DMXL1: variants seen among roughly 807,000 people sequenced by gnomAD.
DMXL1 encodes the protein dmX-like protein 1.
In DMXL1, 99 loss-of-function variants were observed where a neutral mutation model predicts 319.2. The observed-to-expected ratio is 0.31, with a 90% CI of 0.26 to 0.37. The LOEUF (loss-of-function observed/expected upper bound fraction) is 0.37, where lower values mean the gene tolerates loss of function less well. DMXL1 is among the 10% of genes least tolerant of loss of function. The pLI, the probability that DMXL1 is intolerant of heterozygous loss-of-function variation, is 1.00. For synonymous variants in DMXL1, 1,385 were observed against 1,235.2 expected (o/e 1.12, Z -2.54); for missense variants, 3,745 against 3,595.6 (o/e 1.04, Z -1.06).
intron 5 of DMXL1, among the ~76,000 whole-genome samples, chr5:119,111,259 A>G (rs1164733158): frequency 6.6e-6 from 1 of 152,210 alleles, no homozygotes; most frequent in Non-Finnish European, 1.5e-5. Flanking sequence ...TTAGAGCTAC[A>G]TTGTCCAGTA....
Position 119,148,755 on chromosome 5 carries a change from T to A in DMXL1, c.2928T>A (p.Ser976=), listed in dbSNP as rs1342456561. The A allele has an allele frequency of 5.0e-6, 8 of 1,606,380 alleles. No individual in the cohort carries two copies. The Admixed American group carries it at 5.1e-5, about 10-fold the overall frequency. ...IKPSAGHLSS[S]SIYPACSAPY... ...TTATTTTAGGACATCTGAGTTCATC[T>A]TCTATATATCCTGCATGCAGTGCTC... The change falls in exon 18 of 44, where the codon TCT becomes TCA. Residue 976 remains serine, a synonymous_variant. Transcript: ENST00000539542.
In DMXL1 at chr5:119,244,571, A is replaced by G; in HGVS notation, c.8917A>G (p.Ile2973Val). ...TGTTACAGGATCTGCCGAAGGCAAT[A>G]TAAAGGTAAACACAGTTGATGCCAC... Reference protein sequence around the residue: ...YFVTGSAEGNIKIWSLSTFGL... With the variant: ...YFVTGSAEGNVKIWSLSTFGL... Residue 2973 changes from isoleucine (I) to valine (V), a missense_variant, in exon 43 of 44, where the codon ATA (isoleucine) becomes GTA (valine). Coordinates refer to ENST00000539542, the MANE Select transcript of DMXL1 (RefSeq NM_001290321.3). 1.2e-6 allele frequency: 2 copies of G among 1,613,608 alleles called. No homozygotes were observed. The highest frequency in any genetic ancestry group is 1.1e-5 in the South Asian group (1 of 90,980).
rs547615371 is a variant in DMXL1 at position 119,194,467 on chromosome 5, C to G, written c.7457+497C>G. Among the ~76,000 whole-genome samples, 46 of 152,336 alleles carry G rather than the reference C, an allele frequency of 3.0e-4. 1 individual carries two copies. Among genetic ancestry groups the G allele is most frequent in the African/African-American group, 1.0e-3 (43 of 41,576 alleles). The stretch of plus-strand genomic sequence containing the variant: ...TAGCTCCAATACTGCGTTATTCTTA[C>G]ATTCATGAATGATGGAATATTATCT... On this transcript the variant is annotated intron_variant, in intron 30 of 43. Transcript: ENST00000539542.
At position 119,118,996 on chromosome 5, in the gene DMXL1, G is replaced by A. The variant is rs1761445328; in HGVS notation, c.925G>A (p.Ala309Thr). The change falls in exon 8 of 44, where the codon GCT becomes ACT. Residue 309 changes from alanine to threonine, a missense_variant. Ala to Thr is a moderately conservative substitution (Grantham distance 58). Coordinates refer to ENST00000539542, the MANE Select transcript of DMXL1 (RefSeq NM_001290321.3). ...NASSKERVQNALEVNLRHFRR... is the reference protein window; with the variant it reads ...NASSKERVQNTLEVNLRHFRR... ...TTCCAGTAAAGAACGAGTTCAAAAT[G>A]CTTTAGAAGTGAGTGTTTTTGTTAC... 5.0e-6 allele frequency: 8 copies of A among 1,603,768 alleles called. No individual in the cohort carries two copies. Among genetic ancestry groups the A allele is most frequent in the Non-Finnish European group, 6.8e-6 (8 of 1,175,614 alleles).
intron 26 of DMXL1, 54 bp downstream of exon 26, chr5:119,175,391 A>ATTTTGTATGT: frequency 7.8e-7 from 1 of 1,281,246 alleles, no homozygotes; most frequent in African/African-American, 1.5e-5. Flanking sequence ...ATGAGGTTTC[A>ATTTTGTATGT]TATTTTGTAT....
At chr5:119,105,868 G>T (rs1444460319) in intron 4 of DMXL1, among the ~76,000 whole-genome samples, 2 of 149,314 alleles carry the variant, frequency 1.3e-5, no homozygotes, top group Non-Finnish European at 3.0e-5. Context: ...TTGCACTTCA[G>T]CCTGGGCAAC....
intron 22 of DMXL1, among the ~76,000 whole-genome samples, chr5:119,167,271 G>T (rs913772422): frequency 6.6e-6 from 1 of 152,090 alleles, no homozygotes; most frequent in African/African-American, 2.4e-5. Flanking sequence ...GTCTCCAGGG[G>T]CGGATGGAGA....
At chr5:119,139,701 G>A (rs1442761850) in intron 13 of DMXL1, among the ~76,000 whole-genome samples, 1 of 152,156 alleles carries the variant, frequency 6.6e-6, no homozygotes. Context: ...TTCAATGTCA[G>A]TATTAGACAG....
chr5:119,118,529 T>C (rs1217156051), intron 7 of DMXL1, among the ~76,000 whole-genome samples: 1 of 152,040 alleles, frequency 6.6e-6, no homozygotes, highest in African/African-American at 2.4e-5. Context: ...AGCCAGAGGA[T>C]TGCTTGAATC....
At chr5:119,126,345 G>A (rs566322552) in intron 9 of DMXL1, among the ~76,000 whole-genome samples, 33 of 152,128 alleles carry the variant, frequency 2.2e-4, no homozygotes, top group Non-Finnish European at 4.4e-5. Context: ...TGAATGGAAC[G>A]TTTATATTAT....
At chr5:119,100,378 G>A (rs1053665220) in intron 2 of DMXL1, among the ~76,000 whole-genome samples, 51 of 151,470 alleles carry the variant, frequency 3.4e-4, no homozygotes, top group Admixed American at 1.1e-3. Flanking sequence ...AGAGGTTGCA[G>A]TGAGCTGAGA....
Position 119,167,823 on chromosome 5 carries a change from C to T in DMXL1, c.5357C>T (p.Ala1786Val). Reference protein sequence around the residue: ...AYWILEDYSGALETLIKQPIR... With the variant: ...AYWILEDYSGVLETLIKQPIR... ...TGGATTTTGGAAGATTATAGTGGTG[C>T]TCTGGAAACATTAATAAAGCAACCT... The change falls in exon 23 of 44, where the codon GCT becomes GTT. Residue 1786 changes from alanine to valine, a missense_variant. Around this residue, in one of 4 missense-constraint regions of DMXL1, gnomAD observed 1,382 missense variants for 1,269.5 expected, o/e 1.09. Coordinates refer to ENST00000539542, the MANE Select transcript of DMXL1 (RefSeq NM_001290321.3). 6.2e-7 allele frequency: 1 copy of T among 1,613,092 alleles called. No individual in the cohort carries two copies. The highest frequency in any genetic ancestry group is 8.5e-7 in the Non-Finnish European group (1 of 1,179,594).
At chr5:119,186,881 T>C (rs1251311679) in intron 28 of DMXL1, among the ~76,000 whole-genome samples, 1 of 151,836 alleles carries the variant, frequency 6.6e-6, no homozygotes, top group African/African-American at 2.4e-5. Flanking sequence ...AAGCTTTGTT[T>C]TAAAAAGTAC....
intron 28 of DMXL1, among the ~76,000 whole-genome samples, chr5:119,185,189 A>G (rs908322182): frequency 1.0e-4 from 15 of 149,466 alleles, no homozygotes; most frequent in Non-Finnish European, 2.1e-4. Context: ...TTCCCCTGTC[A>G]CTTTCTGCTC....
chr5:119,213,367 C>A (rs948887793), intron 34 of DMXL1, among the ~76,000 whole-genome samples: 2 of 152,136 alleles, frequency 1.3e-5, no homozygotes, highest in African/African-American at 4.8e-5. Context: ...CCAGAACTTT[C>A]ACTTGTGCAC....
intron 34 of DMXL1, among the ~76,000 whole-genome samples, chr5:119,207,812 G>A (rs968962117): frequency 4.6e-5 from 7 of 152,084 alleles, no homozygotes; most frequent in South Asian, 2.1e-4. Flanking sequence ...GTGAGCCACC[G>A]CGCCTGGCCA....
intron 28 of DMXL1, among the ~76,000 whole-genome samples, chr5:119,179,192 A>C (rs1561810095): frequency 6.6e-6 from 1 of 151,894 alleles, no homozygotes; most frequent in African/African-American, 2.4e-5. Context: ...TGATAATCTT[A>C]GTTTTCCAAT....
At chr5:119,241,569 C>T (rs1045358617) in intron 42 of DMXL1, among the ~76,000 whole-genome samples, 2 of 150,628 alleles carry the variant, frequency 1.3e-5, no homozygotes, top group Non-Finnish European at 3.0e-5. Flanking sequence ...AATTATCTGT[C>T]TGAAATGGCA....
At chr5:119,131,779 G>T (rs1338334383) in intron 10 of DMXL1, among the ~76,000 whole-genome samples, 1 of 152,156 alleles carries the variant, frequency 6.6e-6, no homozygotes, top group East Asian at 1.9e-4. Context: ...GTGAACTTCA[G>T]TGACCTTATA....
Sources: gnomAD v4.1 joint callset for allele counts (sites outside exome capture counted in the v4.1 genomes callset) on GRCh38, gnomAD v4.1.1 for gene constraint, gnomAD v4.1.1 regional missense constraint, MANE v1.5 for transcripts, NCBI Gene and HGNC (gene_info 2026-07-23, HGNC 2026-07-21) for gene names.